PRPF19: variants seen among roughly 807,000 people sequenced by gnomAD.
PRPF19 encodes pre-mRNA processing factor 19.
A neutral mutation model predicts 64.2 loss-of-function variants in PRPF19; 2 were observed. The observed-to-expected ratio is 0.03, with a 90% CI of 0.01 to 0.10. PRPF19 has a LOEUF of 0.10. Among genes scored for constraint, PRPF19 ranks in the 10% least tolerant of loss-of-function variants. The pLI, the probability that PRPF19 is intolerant of heterozygous loss-of-function variation, is 1.00. For synonymous variants in PRPF19, 226 were observed against 251.6 expected (o/e 0.90, Z 0.96); for missense variants, 314 against 650.0 (o/e 0.48, Z 5.62).
In PRPF19 at chr11:60,891,118, T is replaced by A; in HGVS notation, c.*48A>T. On this transcript the variant is annotated 3_prime_UTR_variant, in exon 16 of 16. Coordinates refer to ENST00000227524, the MANE Select transcript of PRPF19 (RefSeq NM_014502.5). ...CACCCCCCCCCCCAAACCCTAATTC[T>A]ACCCCTCTACTGAGATGAGGCCCAG... 2 of 400,758 alleles carry A rather than the reference T, an allele frequency of 5.0e-6. No homozygotes were observed. The highest frequency in any genetic ancestry group is 3.3e-5 in the African/African-American group (1 of 30,426). 24.8% of individuals were successfully genotyped at this position (400,758 alleles called of 1,614,324 possible). A position where few individuals can be genotyped will look rare whatever the true frequency, so the allele number is the denominator to read the frequency against.
chr11:60,900,038 A>G lies in PRPF19; in HGVS notation c.828+544T>C, dbSNP rs182214103. Among the ~76,000 whole-genome samples, 197 of 152,322 alleles carry G rather than the reference A, an allele frequency of 1.3e-3. 1 individual carries two copies. The highest frequency in any genetic ancestry group is 4.7e-3 in the African/African-American group (194 of 41,576). ...CCAAGGGAAATCTTGACTGCGAAGC[A>G]CTAAACCAACCATGTCCTGCAGCCC... is the stretch of plus-strand genomic sequence containing the variant. On this transcript the variant is annotated intron_variant, in intron 10 of 15. Coordinates refer to ENST00000227524, the MANE Select transcript of PRPF19 (RefSeq NM_014502.5).
intron 15 of PRPF19, among the ~76,000 whole-genome samples, chr11:60,891,708 C>G (rs917328129): frequency 4.6e-5 from 7 of 152,220 alleles, no homozygotes; most frequent in African/African-American, 1.7e-4. Flanking sequence ...GGCAACATTC[C>G]TCATGGGACT....
chr11:60,894,918 C>T (rs1245059950), intron 15 of PRPF19, among the ~76,000 whole-genome samples: 2 of 152,310 alleles, frequency 1.3e-5, no homozygotes, highest in East Asian at 1.9e-4. Flanking sequence ...CTGAACAGTA[C>T]CTCTTAATGG....
At chr11:60,900,812 C>T (rs370963167) in intron 9 of PRPF19, 42 bp downstream of exon 9, 2 of 1,609,964 alleles carry the variant, frequency 1.2e-6, no homozygotes, top group Non-Finnish European at 1.7e-6. Flanking sequence ...TCCCTGCTGC[C>T]CCTCCCCACT....
chr11:60,901,797 T>TA (rs1855986803), intron 6 of PRPF19, among the ~76,000 whole-genome samples: 1 of 152,140 alleles, frequency 6.6e-6, no homozygotes, highest in African/African-American at 2.4e-5. Context: ...GCAGAGGTGA[T>TA]AAACAGCAGA....
chr11:60,891,161 A>G lies in PRPF19; in HGVS notation c.*5T>C. ...AGGCCCAGCTTCCATCAGAAGGGCC[A>G]GGGCCTACAGGCTGTAGAACTTGAG... On this transcript the variant is annotated 3_prime_UTR_variant, in exon 16 of 16. Transcript: ENST00000227524. 1 of 1,477,224 alleles carries G rather than the reference A, an allele frequency of 6.8e-7. No homozygotes were observed. 91.5% of individuals were successfully genotyped at this position (1,477,224 alleles called of 1,614,324 possible).
At chr11:60,900,956 G>A in intron 8 of PRPF19, 27 bp from the exon 9 acceptor site, 1 of 1,613,328 alleles carries the variant, frequency 6.2e-7, no homozygotes, top group Non-Finnish European at 8.5e-7. Flanking sequence ...ACCAAACCCT[G>A]TCACGGCCAA....
In PRPF19 at chr11:60,902,972, A is replaced by C; in HGVS notation, c.247-91T>G. 1 of 1,529,708 alleles carries C rather than the reference A, an allele frequency of 6.5e-7. No individual in the cohort carries two copies. Among genetic ancestry groups the C allele is most frequent in the Admixed American group, 1.9e-5 (1 of 52,836 alleles). The allele number at this position is 1,529,708 out of a possible 1,614,324, so 94.8% of individuals were successfully genotyped here. A position where few individuals can be genotyped will look rare whatever the true frequency, so the allele number is the denominator to read the frequency against. On this transcript the variant is annotated intron_variant, in intron 3 of 15. Transcript: ENST00000227524. This position sits in a 1 kb window ranked among gnomAD's most constrained non-coding sequence, Gnocchi z 5.0. Reference sequence around the variant, plus strand: ...CCTTGGGGAGGGGATGCTGCCTCCTATCCCAGAGCCTAGACCAGTATCAGT... The same window carrying C: ...CCTTGGGGAGGGGATGCTGCCTCCTCTCCCAGAGCCTAGACCAGTATCAGT...
intron 15 of PRPF19, among the ~76,000 whole-genome samples, chr11:60,895,833 G>T (rs926487121): frequency 2.6e-5 from 4 of 152,004 alleles, no homozygotes; most frequent in Admixed American, 6.6e-5. Context: ...AGTCTGAGAG[G>T]GAGAGAGATG....
At chr11:60,903,391 C>A (rs943185215) in intron 3 of PRPF19, 68 bp downstream of exon 3, 2 of 1,477,844 alleles carry the variant, frequency 1.4e-6, no homozygotes, top group Middle Eastern at 3.5e-4. Flanking sequence ...CTTCCTACCC[C>A]CAAGTCCTAA....
chr11:60,894,170 A>G (rs1855895737), intron 15 of PRPF19, among the ~76,000 whole-genome samples: 1 of 152,232 alleles, frequency 6.6e-6, no homozygotes, highest in Non-Finnish European at 1.5e-5. Flanking sequence ...ATTTCTTAAA[A>G]TAAGACAACA....
Position 60,891,526 on chromosome 11 carries a change from T to C in PRPF19, c.1418-263A>G, listed in dbSNP as rs373445690. On this transcript the variant is annotated intron_variant, in intron 15 of 15. Transcript: ENST00000227524. ...ACCTGAGCTTTCTGGGCAACTGCAG[T>C]TCGGCTAGGTTTAGTTGAAAAACCT... Among the ~76,000 whole-genome samples, 4 of 152,328 alleles carry C rather than the reference T, an allele frequency of 2.6e-5. No homozygotes were observed. In the South Asian group the frequency reaches 8.3e-4, roughly 32 times the overall value.
In PRPF19 at chr11:60,891,097, C is replaced by A. The variant is rs1244832452; in HGVS notation, c.*69G>T. The A allele has an allele frequency of 5.7e-5, 14 of 245,830 alleles. No individual in the cohort carries two copies. The highest frequency in any genetic ancestry group is 1.3e-3 in the Middle Eastern group (1 of 780). The allele number at this position is 245,830 out of a possible 1,614,324, so 15.2% of individuals were successfully genotyped here. A position where few individuals can be genotyped will look rare whatever the true frequency, so the allele number is the denominator to read the frequency against. On this transcript the variant is annotated 3_prime_UTR_variant, in exon 16 of 16. Coordinates refer to ENST00000227524, the MANE Select transcript of PRPF19 (RefSeq NM_014502.5). The stretch of plus-strand genomic sequence containing the variant: ...CCTCCCCCCATAGATTCCCCCCACC[C>A]CCCCCCCCAAACCCTAATTCTACCC...
intron 6 of PRPF19, 127 bp from the exon 7 acceptor site, chr11:60,901,667 A>G: frequency 9.8e-7 from 1 of 1,022,654 alleles, no homozygotes; most frequent in Non-Finnish European, 1.5e-6. Flanking sequence ...TCTACGTTAC[A>G]GGCTTAAAGG....
intron 15 of PRPF19, among the ~76,000 whole-genome samples, chr11:60,894,995 C>G (rs1855903792): frequency 6.6e-6 from 1 of 152,224 alleles, no homozygotes; most frequent in African/African-American, 2.4e-5. Context: ...CTTTGTTGTT[C>G]TATTTACAGA....
chr11:60,903,729 T>A lies in PRPF19; in HGVS notation c.152A>T (p.Gln51Leu), dbSNP rs1333088971. 16 of 1,596,542 alleles carry A rather than the reference T, an allele frequency of 1.0e-5. No homozygotes were observed. The highest frequency in any genetic ancestry group is 1.4e-5 in the Non-Finnish European group (16 of 1,173,892). ...ATAGGCACCTTTGATGTCGATGAGCTGCTCCTCGGAGAGAGGCTGGTTGTT... is the reference window on the plus strand; with the variant it reads ...ATAGGCACCTTTGATGTCGATGAGCAGCTCCTCGGAGAGAGGCTGGTTGTT... ...PINNQPLSEE[Q>L]LIDIKVAHPI... The change falls in exon 2 of 16, where the codon CAG (glutamine) becomes CTG (leucine). Residue 51 changes from glutamine to leucine, a missense_variant. Gln to Leu is a moderately radical substitution (Grantham distance 113). Transcript: ENST00000227524.
chr11:60,899,460 C>G (rs913901770), intron 10 of PRPF19, among the ~76,000 whole-genome samples, 156 bp from the exon 11 acceptor site: 1 of 152,228 alleles, frequency 6.6e-6, no homozygotes, highest in Admixed American at 6.5e-5. Context: ...CAATGGTGCC[C>G]AAGACAGCCA....
chr11:60,890,585 TA>T lies in PRPF19; in HGVS notation c.*580del, dbSNP rs555441530. ...TTTGTTTTTATTTCTGCTGTGCAAT[TA>T]AAAAAAAAAAAAAAGGGTAAGAGCT... On this transcript the variant is annotated 3_prime_UTR_variant, in exon 16 of 16. Coordinates refer to ENST00000227524, the MANE Select transcript of PRPF19 (RefSeq NM_014502.5). 18,688 of 256,918 alleles carry T rather than the reference TA, an allele frequency of 0.073. 1 individual carries two copies. Among genetic ancestry groups the T allele is most frequent in the South Asian group, 0.14 (4,093 of 28,684 alleles). 15.9% of individuals were successfully genotyped at this position (256,918 alleles called of 1,614,324 possible).
chr11:60,901,844 G>A (rs952915676), intron 6 of PRPF19, among the ~76,000 whole-genome samples: 5 of 151,654 alleles, frequency 3.3e-5, no homozygotes, highest in Non-Finnish European at 7.4e-5. Flanking sequence ...GCTCCCATAG[G>A]TCTACACGCC....
Sources: allele counts gnomAD v4.1 joint callset (sites outside exome capture counted in the v4.1 genomes callset), GRCh38; gene constraint gnomAD v4.1.1; non-coding constraint Gnocchi (gnomAD v3.1); transcripts MANE v1.5; gene names NCBI Gene and HGNC (gene_info 2026-07-23, HGNC 2026-07-21).